The following RNF2 variants were observed in gnomAD, a reference collection of about 807,000 sequenced individuals.
RNF2 encodes E3 ubiquitin-protein ligase RING2.
A neutral mutation model predicts 37.2 loss-of-function variants in RNF2; 6 were observed. That is an observed-to-expected ratio of 0.16 (90% CI 0.09 to 0.32). RNF2 has a LOEUF of 0.32. RNF2 is among the 10% of genes least tolerant of loss of function. The probability of loss-of-function intolerance (pLI) is 1.00; values close to 1 mark genes in which losing one functional copy is unlikely to be tolerated. For missense variants in RNF2, 251 were observed against 404.0 expected (o/e 0.62, Z 3.25); for synonymous variants, 133 against 132.7 (o/e 1.00, Z -0.02).
chr1:185,068,545 A>G (rs1020363668), intron 1 of RNF2, among the ~76,000 whole-genome samples: 3 of 152,210 alleles, frequency 2.0e-5, no homozygotes, highest in African/African-American at 7.2e-5. Context: ...TCACAAGCCA[A>G]GGCATACTGG....
At position 185,087,653 on chromosome 1, in the gene RNF2, A is replaced by G. The variant is rs1485364034; in HGVS notation, c.87+13A>G. ...ACGAACACCTCAGGTAATGACTAAG[A>G]TGACTGCCAAGGGGCATATGAGACG... On this transcript the variant is annotated intron_variant, in intron 2 of 6. Coordinates refer to ENST00000367510, the MANE Select transcript of RNF2 (RefSeq NM_007212.4). 7 of 1,599,442 alleles carry G rather than the reference A, an allele frequency of 4.4e-6. No individual in the cohort carries two copies. The highest frequency in any genetic ancestry group is 5.1e-6 in the Non-Finnish European group (6 of 1,166,636).
chr1:185,052,910 A>G (rs1457793948), intron 1 of RNF2, among the ~76,000 whole-genome samples: 1 of 152,054 alleles, frequency 6.6e-6, no homozygotes, highest in African/African-American at 2.4e-5. Context: ...TACTACAGCT[A>G]CAGTGCTTAA....
Position 185,099,860 on chromosome 1 carries a change from A to G in RNF2, c.807A>G (p.Leu269=). 1 of 1,614,168 alleles carries G rather than the reference A, an allele frequency of 6.2e-7. No homozygotes were observed. The highest frequency in any genetic ancestry group is 8.5e-7 in the Non-Finnish European group (1 of 1,180,004). ...LSKYLAVRLA[L]EELRSKGESN... The stretch of plus-strand genomic sequence containing the variant: ...AGTATCTGGCTGTGAGGTTAGCTTT[A>G]GAAGAACTTCGAAGCAAAGGTGAAT... The change falls in exon 6 of 7, where the codon TTA becomes TTG. Residue 269 remains leucine, a synonymous_variant. Transcript: ENST00000367510.
In RNF2 at chr1:185,101,832, GTTTTTTTTTTTT is replaced by G. The variant is rs768356678; in HGVS notation, c.*1542_*1553del. ...AATATTTAAAATCTGTTTTTACAGG[GTTTTTTTTTTTT>G]TTTTTTTTTTGTAATCTGTGCCATG... On this transcript the variant is annotated 3_prime_UTR_variant, in exon 7 of 7. Transcript: ENST00000367510. 3.1e-5 allele frequency: 3 copies of G among 97,880 alleles called. No individual in the cohort carries two copies. The highest frequency in any genetic ancestry group is 1.2e-4 in the African/African-American group (3 of 24,668). 6.1% of individuals were successfully genotyped at this position (97,880 alleles called of 1,614,324 possible).
rs533488182 is a variant in RNF2, at chr1:185,074,236, C to T, written c.-2-13316C>T. Among the ~76,000 whole-genome samples the T allele has an allele frequency of 4.6e-5, 7 of 152,212 alleles. No homozygotes were observed. In the South Asian group the frequency reaches 1.5e-3, roughly 32 times the overall value. ...CTGGCACCCTGACCTTCCACGAGTT[C>T]CATCATTTAAAAATTTAATGGAGAT... On this transcript the variant is annotated intron_variant, in intron 1 of 6. Transcript: ENST00000367510.
At chr1:185,048,575 G>C (rs553258069) in intron 1 of RNF2, among the ~76,000 whole-genome samples, 158 of 152,246 alleles carry the variant, frequency 1.0e-3, no homozygotes, top group South Asian at 3.9e-3. Context: ...TTTCTAATGA[G>C]AGCATACTAT....
At chr1:185,057,472 C>A (rs2102156916) in intron 1 of RNF2, among the ~76,000 whole-genome samples, 1 of 151,960 alleles carries the variant, frequency 6.6e-6, no homozygotes, top group Non-Finnish European at 1.5e-5. Flanking sequence ...TATTTATGTT[C>A]ATGATAAGCA....
rs1425069016 is a variant in RNF2, at chr1:185,046,012, G to A, written c.-3+363G>A. On this transcript the variant is annotated intron_variant, in intron 1 of 6. Transcript: ENST00000367510. ...CGGTCCCCTCGCCTCCGGGGGCGGGGGCCCCAGCCTCTCTGCAGCCCTACT... is the reference window on the plus strand; with the variant it reads ...CGGTCCCCTCGCCTCCGGGGGCGGGAGCCCCAGCCTCTCTGCAGCCCTACT... 7 of 152,378 alleles carry A rather than the reference G, an allele frequency of 4.6e-5. No individual in the cohort carries two copies. In the South Asian group the frequency reaches 8.3e-4, roughly 18 times the overall value. The allele number at this position is 152,378 out of a possible 1,614,324, so 9.4% of individuals were successfully genotyped here.
At chr1:185,075,451 A>G (rs1651118525) in intron 1 of RNF2, among the ~76,000 whole-genome samples, 1 of 152,188 alleles carries the variant, frequency 6.6e-6, no homozygotes, top group Non-Finnish European at 1.5e-5. Context: ...TGGTTCGACA[A>G]TTCCTGTTTC....
At chr1:185,074,005 T>C (rs889468412) in intron 1 of RNF2, among the ~76,000 whole-genome samples, 5 of 152,226 alleles carry the variant, frequency 3.3e-5, no homozygotes, top group African/African-American at 1.2e-4. Context: ...TGGCTATAAG[T>C]TGGGGATTTC....
intron 2 of RNF2, among the ~76,000 whole-genome samples, chr1:185,090,069 G>A (rs1041568573): frequency 3.9e-5 from 6 of 151,958 alleles, no homozygotes; most frequent in Non-Finnish European, 7.4e-5. Flanking sequence ...TTACAGGCGT[G>A]TGCCACCATG....
At chr1:185,065,564 A>G (rs1650775456) in intron 1 of RNF2, among the ~76,000 whole-genome samples, 1 of 152,076 alleles carries the variant, frequency 6.6e-6, no homozygotes. Context: ...AGGGCCAAAC[A>G]ACTCCAGACG....
chr1:185,045,750 TG>T (rs1162839601), intron 1 of RNF2, 101 bp downstream of exon 1: 32 of 135,716 alleles, frequency 2.4e-4, no homozygotes, highest in African/African-American at 5.1e-4. Flanking sequence ...CCCCGGAGTG[TG>T]GGGGGGGTGT....
At chr1:185,082,347 T>TA (rs1651447501) in intron 1 of RNF2, among the ~76,000 whole-genome samples, 1 of 33,112 alleles carries the variant, frequency 3.0e-5, no homozygotes, top group Non-Finnish European at 6.4e-5. Flanking sequence ...CTGCAGAACT[T>TA]TTTTTTTTTT....
chr1:185,076,111 G>C (rs1344714425), intron 1 of RNF2, among the ~76,000 whole-genome samples: 1 of 151,096 alleles, frequency 6.6e-6, no homozygotes, highest in Non-Finnish European at 1.5e-5. Flanking sequence ...TTTTTTCCTA[G>C]CTATTGTTTA....
intron 1 of RNF2, among the ~76,000 whole-genome samples, chr1:185,046,637 A>G (rs556048559): frequency 6.6e-6 from 1 of 152,296 alleles, no homozygotes; most frequent in South Asian, 2.1e-4. Context: ...AATGATTTGA[A>G]GATGTCAGGT....
chr1:185,069,324 G>A (rs1446894536), intron 1 of RNF2, among the ~76,000 whole-genome samples: 2 of 152,068 alleles, frequency 1.3e-5, no homozygotes, highest in African/African-American at 4.8e-5. Flanking sequence ...TGGCATGGTG[G>A]TTCATGCCTG....
chr1:185,063,485 A>G (rs1553239610), intron 1 of RNF2, among the ~76,000 whole-genome samples: 2 of 152,220 alleles, frequency 1.3e-5, no homozygotes, highest in East Asian at 1.9e-4. Flanking sequence ...AGATAAGACT[A>G]TTGAGCAAAT....
At chr1:185,090,671 C>G (rs1328795275) in intron 2 of RNF2, among the ~76,000 whole-genome samples, 1 of 152,206 alleles carries the variant, frequency 6.6e-6, no homozygotes, top group African/African-American at 2.4e-5. Flanking sequence ...TTGAAAGCCA[C>G]TTATTTATAC....
Sources: gnomAD v4.1 joint callset for allele counts (sites outside exome capture counted in the v4.1 genomes callset) on GRCh38, gnomAD v4.1.1 for gene constraint, MANE v1.5 for transcripts, NCBI Gene and HGNC (gene_info 2026-07-23, HGNC 2026-07-21) for gene names.